The following KLF7 variants were observed in gnomAD, a reference collection of about 807,000 sequenced individuals.
KLF7 encodes Krueppel-like factor 7.
A neutral mutation model predicts 27.3 loss-of-function variants in KLF7; 2 were observed. The ratio of observed to expected loss-of-function variants is 0.07; its 90% CI spans 0.03 to 0.23. The LOEUF is 0.23. Ranked by LOEUF, KLF7 falls within the 10% of genes least tolerant of loss-of-function variation. The pLI, the probability that KLF7 is intolerant of heterozygous loss-of-function variation, is 1.00. For synonymous variants in KLF7, 165 were observed against 162.4 expected (o/e 1.02, Z -0.12); for missense variants, 221 against 394.1 (o/e 0.56, Z 3.72).
rs146711599 is a variant in KLF7 at position 207,119,852 on chromosome 2, C to T, written c.733+3922G>A. Among the ~76,000 whole-genome samples, 447 of 152,222 alleles carry T rather than the reference C, an allele frequency of 2.9e-3. 2 individuals carry two copies. The highest frequency in any genetic ancestry group is 5.0e-3 in the Non-Finnish European group (342 of 68,006). ...CTGAGTAGCTGGGACTACAGGCACG[C>T]GCCACACGCCCAGCTAATTTTTGTA... On this transcript the variant is annotated intron_variant, in intron 2 of 3. Coordinates refer to ENST00000309446, the MANE Select transcript of KLF7 (RefSeq NM_003709.4).
rs17216549 is a variant in KLF7 at position 207,108,805 on chromosome 2, C to G, written c.733+14969G>C. On this transcript the variant is annotated intron_variant, in intron 2 of 3. Coordinates refer to ENST00000309446, the MANE Select transcript of KLF7 (RefSeq NM_003709.4). ...TCTAACCCATTATAAATATCCTCAA[C>G]TGGGCAAAAACAAAGATAAAATAAA... Among the ~76,000 whole-genome samples the G allele has an allele frequency of 3.3e-5, 5 of 152,170 alleles. No homozygotes were observed. The East Asian group carries it at 9.7e-4, about 29-fold the overall frequency.
chr2:207,078,442 A>G lies in KLF7; in HGVS notation c.*2771T>C, dbSNP rs2076213235. 6.6e-6 allele frequency: 1 copy of G among 152,274 alleles called. No homozygotes were observed. The highest frequency in any genetic ancestry group is 2.4e-5 in the African/African-American group (1 of 41,474). The allele number at this position is 152,274 out of a possible 1,614,324, so 9.4% of individuals were successfully genotyped here. On this transcript the variant is annotated 3_prime_UTR_variant, in exon 4 of 4. Transcript: ENST00000309446. ...CCACAGATGAAAATAGGGAGCAAAC[A>G]AGCAATGATTACTCTTTTGCATTTT... is the stretch of plus-strand genomic sequence containing the variant.
At position 207,165,601 on chromosome 2, in the gene KLF7, C is replaced by G. The variant is rs897236166; in HGVS notation, c.-33G>C. 1 of 1,612,264 alleles carries G rather than the reference C, an allele frequency of 6.2e-7. No homozygotes were observed. Among genetic ancestry groups the G allele is most frequent in the African/African-American group, 1.3e-5 (1 of 74,852 alleles). On this transcript the variant is annotated 5_prime_UTR_variant, in exon 1 of 4. Coordinates refer to ENST00000309446, the MANE Select transcript of KLF7 (RefSeq NM_003709.4). ...CTGCCGGGCAAAACGGGAGGCGAAA[C>G]CCTCCCCCGAACACAGTTGGGGCTG...
At position 207,099,449 on chromosome 2, in the gene KLF7, C is replaced by T. The variant is rs116626525; in HGVS notation, c.734-10868G>A. 9.6e-3 allele frequency among the ~76,000 whole-genome samples: 1,452 copies of T among 150,980 alleles called. 21 individuals carry two copies. Among genetic ancestry groups the T allele is most frequent in the African/African-American group, 0.034 (1,392 of 41,070 alleles). ...AGTTGACAATGTCTAATTTACTTTCCTGGATACACTAAATTTTGCTTTTTT... is the reference window on the plus strand; with the variant it reads ...AGTTGACAATGTCTAATTTACTTTCTTGGATACACTAAATTTTGCTTTTTT... On this transcript the variant is annotated intron_variant, in intron 2 of 3. Coordinates refer to ENST00000309446, the MANE Select transcript of KLF7 (RefSeq NM_003709.4).
At chr2:207,111,154 C>T (rs2077026235) in intron 2 of KLF7, among the ~76,000 whole-genome samples, 1 of 152,220 alleles carries the variant, frequency 6.6e-6, no homozygotes, top group South Asian at 2.1e-4. Flanking sequence ...AATGATCTCA[C>T]ATTTTGGGAG....
At chr2:207,086,440 T>C (rs1211942005) in intron 3 of KLF7, among the ~76,000 whole-genome samples, 3 of 152,194 alleles carry the variant, frequency 2.0e-5, no homozygotes, top group Non-Finnish European at 2.9e-5. Flanking sequence ...AAATGCACTA[T>C]TGGCCTGTGT....
At chr2:207,108,726 C>T (rs1173496907) in intron 2 of KLF7, among the ~76,000 whole-genome samples, 1 of 152,192 alleles carries the variant, frequency 6.6e-6, no homozygotes, top group East Asian at 1.9e-4. Context: ...GGATCTTTGC[C>T]AATGAATAGA....
At chr2:207,114,186 G>A (rs1027870932) in intron 2 of KLF7, among the ~76,000 whole-genome samples, 2 of 152,116 alleles carry the variant, frequency 1.3e-5, no homozygotes, top group Admixed American at 6.5e-5. Flanking sequence ...ATTCTCTCCC[G>A]AACACTAGGA....
At chr2:207,162,178 A>G (rs1376287245) in intron 1 of KLF7, among the ~76,000 whole-genome samples, 1 of 152,242 alleles carries the variant, frequency 6.6e-6, no homozygotes, top group Non-Finnish European at 1.5e-5. Flanking sequence ...TCTAAAAAAA[A>G]AGATTATGAT....
chr2:207,088,471 T>G lies in KLF7; in HGVS notation c.844A>C (p.Asn282His). ...ACTTCTCTTTACCTGTCGCAGTGGTTGCATTTGAAGGGCTTTGCACCTGTG... is the reference window on the plus strand; with the variant it reads ...ACTTCTCTTTACCTGTCGCAGTGGTGGCATTTGAAGGGCTTTGCACCTGTG... Reference protein sequence around the residue: ...KHTGAKPFKCNHCDRCFSRSD... With the variant: ...KHTGAKPFKCHHCDRCFSRSD... Residue 282 changes from asparagine to histidine, a missense_variant, in exon 3 of 4, where the codon AAC becomes CAC. Physicochemically the swap from Asn to His is moderately conservative, Grantham distance 68 (BLOSUM62 1). Transcript: ENST00000309446. The G allele has an allele frequency of 6.2e-7, 1 of 1,613,768 alleles. No individual in the cohort carries two copies. Among genetic ancestry groups the G allele is most frequent in the Non-Finnish European group, 8.5e-7 (1 of 1,179,688 alleles).
At chr2:207,170,278 C>T (rs947810168), upstream of KLF7, among the ~76,000 whole-genome samples, 2 of 152,102 alleles carry the variant, frequency 1.3e-5, no homozygotes, top group Non-Finnish European at 2.9e-5. Flanking sequence ...AGAGCAAAAC[C>T]CTGACTCTCT....
At chr2:207,131,491 A>G (rs937286069) in intron 1 of KLF7, among the ~76,000 whole-genome samples, 8 of 152,240 alleles carry the variant, frequency 5.3e-5, no homozygotes. Context: ...ACACAAAACA[A>G]GCTACTGTTA....
At position 207,080,997 on chromosome 2, in the gene KLF7, T is replaced by A; in HGVS notation, c.*216A>T. On this transcript the variant is annotated 3_prime_UTR_variant, in exon 4 of 4. Coordinates refer to ENST00000309446, the MANE Select transcript of KLF7 (RefSeq NM_003709.4). The stretch of plus-strand genomic sequence containing the variant: ...GGGCAAGGCATAAAGAATAGACGTA[T>A]ATATTTTAAATATAGTTGAGTGCAT... The A allele has an allele frequency of 5.6e-6, 3 of 538,986 alleles. No individual in the cohort carries two copies. Among genetic ancestry groups the A allele is most frequent in the Non-Finnish European group, 9.9e-6 (3 of 303,350 alleles). The allele number at this position is 538,986 out of a possible 1,614,324, so 33.4% of individuals were successfully genotyped here. A position where few individuals can be genotyped will look rare whatever the true frequency, so the allele number is the denominator to read the frequency against.
rs144750057 is a variant in KLF7, at chr2:207,144,165, GGAGA to G, written c.103-19765_103-19762del. Among the ~76,000 whole-genome samples the G allele has an allele frequency of 9.1e-3, 464 of 50,768 alleles. 4 individuals carry two copies. Among genetic ancestry groups the G allele is most frequent in the Middle Eastern group, 0.033 (4 of 120 alleles). 33.3% of individuals were successfully genotyped at this position (50,768 alleles called of 152,430 possible). ...GGTCTAGGAGTCGTCACAGCGGGGG[GGAGA>G]AAAAAAAAAAAAAGCATAGCTAGAC... On this transcript the variant is annotated intron_variant, in intron 1 of 3. Coordinates refer to ENST00000309446, the MANE Select transcript of KLF7 (RefSeq NM_003709.4).
At position 207,081,059 on chromosome 2, in the gene KLF7, ATATG is replaced by A. The variant is rs1559106082; in HGVS notation, c.*150_*153del. 2.3e-4 allele frequency: 105 copies of A among 453,646 alleles called. No homozygotes were observed. The highest frequency in any genetic ancestry group is 1.4e-3 in the South Asian group (47 of 32,470). 28.1% of individuals were successfully genotyped at this position (453,646 alleles called of 1,614,324 possible). ...TGTGTGTGGGTCTGTGAGTGTGTGT[ATATG>A]TGTGTGTGTGTGTGTGTGTGTACAG... On this transcript the variant is annotated 3_prime_UTR_variant, in exon 4 of 4. Coordinates refer to ENST00000309446, the MANE Select transcript of KLF7 (RefSeq NM_003709.4).
intron 1 of KLF7, among the ~76,000 whole-genome samples, chr2:207,164,562 C>A (rs2078644182): frequency 6.6e-6 from 1 of 151,852 alleles, no homozygotes. Flanking sequence ...CTGACCAGCA[C>A]TTTCTTTATT....
chr2:207,163,168 G>A (rs1044126864), intron 1 of KLF7, among the ~76,000 whole-genome samples: 1 of 152,198 alleles, frequency 6.6e-6, no homozygotes, highest in African/African-American at 2.4e-5. Flanking sequence ...GAGCAGTTGT[G>A]ATTACGGAGT....
chr2:207,121,670 T>TG (rs2077344522), intron 2 of KLF7: 1 of 152,216 alleles, frequency 6.6e-6, no homozygotes, highest in Non-Finnish European at 1.5e-5. Flanking sequence ...TCTTTCCACT[T>TG]TAGTCCAACA....
At chr2:207,167,132 A>G, upstream of KLF7, 1 of 1,439,836 alleles carries the variant, frequency 6.9e-7, no homozygotes. Flanking sequence ...TTACGTGATG[A>G]GGCTCACCAT....
Sources: allele counts gnomAD v4.1 joint callset (sites outside exome capture counted in the v4.1 genomes callset), GRCh38; gene constraint gnomAD v4.1.1; transcripts MANE v1.5; gene names NCBI Gene and HGNC (gene_info 2026-07-23, HGNC 2026-07-21).